The following ARB2A variants were observed in gnomAD, a reference collection of about 807,000 sequenced individuals.
ARB2A encodes ARB2 cotranscriptional regulator A, also known as cotranscriptional regulator ARB2A.
chr5:93,881,508 G>T, the ARB2A span: 3 of 1,610,462 alleles, frequency 1.9e-6, no homozygotes, highest in Non-Finnish European at 2.5e-6. Flanking sequence ...TCTCTTTGGG[G>T]GTTACGATAC....
At chr5:93,985,713 G>A in the ARB2A span, among the ~76,000 whole-genome samples, 1 of 152,140 alleles carries the variant, frequency 6.6e-6, no homozygotes, top group African/African-American at 2.4e-5. Flanking sequence ...ACGGAGTCTC[G>A]CTCACTCAGT....
chr5:93,906,700 T>G, the ARB2A span, among the ~76,000 whole-genome samples: 3 of 151,602 alleles, frequency 2.0e-5, no homozygotes, highest in Non-Finnish European at 4.4e-5. Context: ...CATTAAGACT[T>G]ACTTACATTA....
chr5:93,748,843 T>C, the ARB2A span, among the ~76,000 whole-genome samples: 1 of 152,230 alleles, frequency 6.6e-6, no homozygotes, highest in African/African-American at 2.4e-5. Context: ...TTTATTTCTA[T>C]GTAAAAAAAC....
At chr5:93,983,999 C>T in the ARB2A span, among the ~76,000 whole-genome samples, 10 of 151,954 alleles carry the variant, frequency 6.6e-5, no homozygotes, top group South Asian at 6.2e-4. Context: ...CTGTACTTCA[C>T]GAAAAGTAGC....
chr5:93,743,436 A>G, the ARB2A span: 1 of 550,318 alleles, frequency 1.8e-6, no homozygotes, highest in African/African-American at 2.1e-5. Flanking sequence ...TTTGCCTTCA[A>G]TTAGATTTTA....
the ARB2A span, among the ~76,000 whole-genome samples, chr5:93,645,576 G>GAAAAAAAAAA: frequency 2.2e-5 from 2 of 90,066 alleles, no homozygotes; most frequent in African/African-American, 3.4e-5. Flanking sequence ...CCGTCTCAAA[G>GAAAAAAAAAA]AAAAAAAAAA....
chr5:93,817,669 T>C, the ARB2A span, among the ~76,000 whole-genome samples: 1 of 152,134 alleles, frequency 6.6e-6, no homozygotes. Context: ...CCCTTACATT[T>C]ATAGTCTATG....
chr5:93,949,632 T>C, the ARB2A span, among the ~76,000 whole-genome samples: 2 of 152,044 alleles, frequency 1.3e-5, no homozygotes, highest in Non-Finnish European at 2.9e-5. Context: ...CTCAAGCATT[T>C]ATCCTGTGTG....
At chr5:93,979,369 C>G in the ARB2A span, among the ~76,000 whole-genome samples, 1 of 151,934 alleles carries the variant, frequency 6.6e-6, no homozygotes, top group Non-Finnish European at 1.5e-5. Flanking sequence ...AGTATTACAC[C>G]AGCACCATAA....
At chr5:93,731,585 T>C in the ARB2A span, among the ~76,000 whole-genome samples, 2 of 152,184 alleles carry the variant, frequency 1.3e-5, no homozygotes, top group African/African-American at 4.8e-5. Context: ...ATTAAAAAGG[T>C]ATATGTTAAG....
the ARB2A span, among the ~76,000 whole-genome samples, chr5:93,989,691 T>C: frequency 6.6e-6 from 1 of 152,192 alleles, no homozygotes. Flanking sequence ...TAAATGTATA[T>C]GATTTTAACT....
the ARB2A span, among the ~76,000 whole-genome samples, chr5:93,890,972 T>C: frequency 3.3e-5 from 5 of 152,252 alleles, no homozygotes; most frequent in East Asian, 1.9e-4. Context: ...AATTGCCCCA[T>C]GTCAAACTGT....
the ARB2A span, among the ~76,000 whole-genome samples, chr5:93,993,359 G>A: frequency 6.6e-6 from 1 of 152,068 alleles, no homozygotes; most frequent in Admixed American, 6.6e-5. Context: ...CATAGTGACA[G>A]AAGACTTTAA....
chr5:93,728,549 A>T, the ARB2A span, among the ~76,000 whole-genome samples: 8 of 152,162 alleles, frequency 5.3e-5, no homozygotes, highest in South Asian at 2.1e-4. Context: ...AGTTTTTTTT[A>T]AAATCAAAAG....
chr5:93,974,063 T>A, the ARB2A span, among the ~76,000 whole-genome samples: 46 of 152,276 alleles, frequency 3.0e-4, no homozygotes, highest in Non-Finnish European at 5.9e-4. Flanking sequence ...TAACCTTGAA[T>A]GCAAACAATG....
chr5:93,709,639 A>C, the ARB2A span, among the ~76,000 whole-genome samples: 5 of 148,482 alleles, frequency 3.4e-5, no homozygotes, highest in African/African-American at 1.0e-4. Flanking sequence ...TCACAAAAAA[A>C]AAAAAAAAAA....
the ARB2A span, among the ~76,000 whole-genome samples, chr5:94,015,291 C>G: frequency 2.7e-3 from 405 of 152,140 alleles, 2 homozygotes; most frequent in African/African-American, 9.6e-3. Flanking sequence ...ATACTGTACC[C>G]AGCAAAGCTA....
the ARB2A span, chr5:94,111,408 C>A: frequency 6.5e-6 from 1 of 153,632 alleles, no homozygotes; most frequent in South Asian, 1.8e-4. Flanking sequence ...CCTCGGTCCC[C>A]AGGGCCAGCG....
At chr5:94,066,461 CACACAT>C in the ARB2A span, among the ~76,000 whole-genome samples, 2 of 150,586 alleles carry the variant, frequency 1.3e-5, no homozygotes, top group African/African-American at 4.9e-5. Flanking sequence ...CACACACACA[CACACAT>C]AAAAACCCAG....
Sources: allele counts gnomAD v4.1 joint callset (sites outside exome capture counted in the v4.1 genomes callset), GRCh38; gene constraint gnomAD v4.1.1; transcripts MANE v1.5; gene names NCBI Gene and HGNC (gene_info 2026-07-23, HGNC 2026-07-21).